The following FBXO5 variants were observed in gnomAD, a reference collection of about 807,000 sequenced individuals.
The protein encoded by FBXO5 is F-box only protein 5.
Under a neutral mutation model 43.3 loss-of-function variants are expected in FBXO5, and 8 were observed. The ratio of observed to expected loss-of-function variants is 0.18; its 90% CI spans 0.11 to 0.33. The LOEUF (loss-of-function observed/expected upper bound fraction) is 0.33, where lower values mean the gene tolerates loss of function less well. FBXO5 is among the 10% of genes least tolerant of loss of function. The pLI is 1.00. For missense variants in FBXO5, 491 were observed against 535.7 expected, an observed-to-expected ratio of 0.92 and a Z score of 0.82; for synonymous variants, 204 against 193.7, an observed-to-expected ratio of 1.05 and a Z score of -0.44.
chr6:152,971,464 T>C lies in FBXO5; in HGVS notation c.1093-50A>G, dbSNP rs756077181. Reference sequence around the variant, plus strand: ...AACAAATTTCAGCAAGAATTACATGTACTTTAGTTAATAAAACCAAGGACA... The same window carrying C: ...AACAAATTTCAGCAAGAATTACATGCACTTTAGTTAATAAAACCAAGGACA... On this transcript the variant is annotated intron_variant, in intron 4 of 4. Coordinates refer to ENST00000229758, the MANE Select transcript of FBXO5 (RefSeq NM_012177.5). 22 of 1,543,510 alleles carry C rather than the reference T, an allele frequency of 1.4e-5. No individual in the cohort carries two copies. The Admixed American group carries it at 4.1e-4, about 29-fold the overall frequency.
intron 2 of FBXO5, among the ~76,000 whole-genome samples, chr6:152,974,416 A>C (rs893984579): frequency 1.3e-5 from 2 of 152,230 alleles, no homozygotes; most frequent in African/African-American, 4.8e-5. Flanking sequence ...CTTACATATT[A>C]GAAATTTCAA....
chr6:152,972,196 T>C, intron 4 of FBXO5, 76 bp downstream of exon 4: 1 of 1,074,694 alleles, frequency 9.3e-7, no homozygotes, highest in Non-Finnish European at 1.3e-6. Flanking sequence ...AGTTACATTT[T>C]GACCTTGAAA....
chr6:152,976,772 C>T (rs1459945245), intron 1 of FBXO5, among the ~76,000 whole-genome samples: 1 of 152,186 alleles, frequency 6.6e-6, no homozygotes, highest in Non-Finnish European at 1.5e-5. Context: ...TCAGTTAAGA[C>T]ACAATGGAGC....
chr6:152,972,734 C>T, intron 3 of FBXO5: 1 of 463,576 alleles, frequency 2.2e-6, no homozygotes, highest in South Asian at 3.6e-5. Context: ...ACAGCTTTTC[C>T]AAATTTTCCA....
intron 1 of FBXO5, among the ~76,000 whole-genome samples, chr6:152,976,155 G>C (rs779934141): frequency 3.9e-5 from 6 of 152,136 alleles, no homozygotes; most frequent in Admixed American, 1.3e-4. Context: ...ATTAGTACAG[G>C]AGGACAAGGT....
chr6:152,972,027 C>G (rs184643651), intron 4 of FBXO5, among the ~76,000 whole-genome samples: 2 of 152,216 alleles, frequency 1.3e-5, no homozygotes, highest in Admixed American at 1.3e-4. Flanking sequence ...TACGTACTTT[C>G]CTAATTTCAT....
Position 152,971,391 on chromosome 6 carries a change from G to A in FBXO5, c.1116C>T (p.Asn372=), listed in dbSNP as rs375196279. 55 of 1,602,820 alleles carry A rather than the reference G, an allele frequency of 3.4e-5. No homozygotes were observed. The highest frequency in any genetic ancestry group is 1.8e-4 in the South Asian group (16 of 88,376). The change falls in exon 5 of 5, where the codon AAC becomes AAT. Residue 372 remains asparagine, a synonymous_variant. Transcript: ENST00000229758. ...FSEVAKTLKK[N]ESLKACIRCN... ...AGCGAATACAGGCTTTGAGGCTTTC[G>A]TTCTTTTTCAATGTCTTGGCAACCT...
chr6:152,981,277 A>G (rs922253444), intron 1 of FBXO5, among the ~76,000 whole-genome samples: 2 of 152,202 alleles, frequency 1.3e-5, no homozygotes, highest in Non-Finnish European at 2.9e-5. Context: ...AAATTTTACA[A>G]TGTTTGATCT....
chr6:152,974,433 AAGG>A (rs1221486946), intron 2 of FBXO5, among the ~76,000 whole-genome samples: 1 of 152,174 alleles, frequency 6.6e-6, no homozygotes, highest in Non-Finnish European at 1.5e-5. Context: ...TCAAAACTAA[AAGG>A]AACAAGGATC....
upstream of FBXO5, chr6:152,983,437 G>A (rs1778300509): frequency 6.5e-6 from 1 of 154,362 alleles, no homozygotes; most frequent in Admixed American, 6.5e-5. Context: ...GATCTTTGAT[G>A]GGTACAAATG....
At chr6:152,983,123 T>G, upstream of FBXO5, 1 of 427,586 alleles carries the variant, frequency 2.3e-6, no homozygotes, top group Non-Finnish European at 4.1e-6. Context: ...ACGCGTCGCT[T>G]GCATGCGCGC....
rs1336756007 is a variant in FBXO5 at position 152,975,467 on chromosome 6, G to A, written c.258C>T (p.Cys86=). The A allele has an allele frequency of 1.2e-6, 2 of 1,613,894 alleles. No homozygotes were observed. The highest frequency in any genetic ancestry group is 2.7e-5 in the African/African-American group (2 of 74,904). Residue 86 remains cysteine, a synonymous_variant, in exon 2 of 5, where the codon TGC becomes TGT. Transcript: ENST00000229758. The stretch of plus-strand genomic sequence containing the variant: ...ATGACAGCCTTTCATAGTCTTTAAT[G>A]CAGTCTTTACAGGAACCTTCCAAAT... ...PAYLEGSCKD[C]IKDYERLSCI...
chr6:152,981,443 C>G (rs1778255930), intron 1 of FBXO5, among the ~76,000 whole-genome samples: 1 of 152,176 alleles, frequency 6.6e-6, no homozygotes, highest in South Asian at 2.1e-4. Context: ...TTAGGCATGG[C>G]TATTCCTTAA....
rs7763565 is a variant in FBXO5 at position 152,975,235 on chromosome 6, G to A, written c.490C>T (p.Leu164Phe). ...CTGTCACCGAAATTCTCCTCCAGGA[G>A]GCTACCTTCTTCATGTTCACTGAGG... ...SGLSEHEEGS[L>F]LEENFGDSLQ... The change falls in exon 2 of 5, where the codon CTC (leucine) becomes TTC (phenylalanine). Residue 164 changes from leucine to phenylalanine, a missense_variant. Physicochemically the swap from Leu to Phe is conservative, Grantham distance 22. Transcript: ENST00000229758. 119,164 of 1,614,000 alleles carry A rather than the reference G, an allele frequency of 0.074. 5,540 individuals carry two copies. Among genetic ancestry groups the A allele is most frequent in the Admixed American group, 0.22 (12,981 of 59,994 alleles).
intron 3 of FBXO5, 192 bp from the exon 4 acceptor site, chr6:152,972,646 G>C (rs1425580276): frequency 3.8e-6 from 2 of 529,994 alleles, no homozygotes; most frequent in African/African-American, 3.8e-5. Flanking sequence ...CTAACTTATA[G>C]ACAGAAACTG....
At chr6:152,972,972 CTCTTT>C (rs1778109096) in intron 3 of FBXO5, 69 bp downstream of exon 3, 21 of 1,205,518 alleles carry the variant, frequency 1.7e-5, no homozygotes, top group Admixed American at 5.6e-5. Context: ...TCCAGATTAC[CTCTTT>C]TCTTTTCTAT....
chr6:152,976,015 T>C (rs6929544), intron 1 of FBXO5, among the ~76,000 whole-genome samples: 31,361 of 152,028 alleles, frequency 0.21, 3,481 homozygotes, highest in African/African-American at 0.29. Context: ...GTAGGCGCTA[T>C]GGTCAAAGTT....
At position 152,975,124 on chromosome 6, in the gene FBXO5, C is replaced by T. The variant is rs778823688; in HGVS notation, c.601G>A (p.Val201Ile). ...LLPVLHFEKVVCSTLKKNAKR... is the reference protein window; with the variant it reads ...LLPVLHFEKVICSTLKKNAKR... Reference sequence around the variant, plus strand: ...GCATTCTTTTTTAATGTTGAACAAACCACTTTTTCAAAATGAAGAACTGGC... The same window carrying T: ...GCATTCTTTTTTAATGTTGAACAAATCACTTTTTCAAAATGAAGAACTGGC... Residue 201 changes from valine (V) to isoleucine (I), a missense_variant, in exon 2 of 5, where the codon GTT becomes ATT. Val to Ile is a conservative substitution (Grantham distance 29). Coordinates refer to ENST00000229758, the MANE Select transcript of FBXO5 (RefSeq NM_012177.5). 1 of 1,614,134 alleles carries T rather than the reference C, an allele frequency of 6.2e-7. No homozygotes were observed. Among genetic ancestry groups the T allele is most frequent in the South Asian group, 1.1e-5 (1 of 91,084 alleles).
In FBXO5 at chr6:152,975,310, T is replaced by A. The variant is rs1778150676; in HGVS notation, c.415A>T (p.Ser139Cys). 1 of 1,614,084 alleles carries A rather than the reference T, an allele frequency of 6.2e-7. No individual in the cohort carries two copies. The highest frequency in any genetic ancestry group is 1.3e-5 in the African/African-American group (1 of 74,946). Reference protein sequence around the residue: ...STNEIEALETSRLYEDSGYSS... With the variant: ...STNEIEALETCRLYEDSGYSS... The stretch of plus-strand genomic sequence containing the variant: ...TAGCCACTGTCTTCATAAAGTCTAC[T>A]GGTCTCTAGTGCTTCTATTTCATTT... Residue 139 changes from serine (S) to cysteine (C), a missense_variant, in exon 2 of 5, where the codon AGT becomes TGT. Transcript: ENST00000229758.
Sources: gnomAD v4.1 joint callset for allele counts (sites outside exome capture counted in the v4.1 genomes callset) on GRCh38, gnomAD v4.1.1 for gene constraint, MANE v1.5 for transcripts, NCBI Gene and HGNC (gene_info 2026-07-23, HGNC 2026-07-21) for gene names.